Variants in GSK3B observed in about 807,000 individuals in gnomAD.
GSK3B encodes the protein glycogen synthase kinase-3 beta.
GSK3B carries 15 observed loss-of-function variants against 56.4 expected under a neutral mutation model. That is an observed-to-expected ratio of 0.27 (90% CI 0.18 to 0.41). GSK3B has a LOEUF of 0.41. Ranked by LOEUF, GSK3B falls within the 10% of genes least tolerant of loss-of-function variation. GSK3B has a pLI of 1.00. For synonymous variants in GSK3B, 181 were observed against 188.9 expected (o/e 0.96, Z 0.34); for missense variants, 300 against 513.4 (o/e 0.58, Z 4.02).
intron 2 of GSK3B, among the ~76,000 whole-genome samples, chr3:119,969,197 C>T (rs1239853240): frequency 6.6e-6 from 1 of 151,334 alleles, no homozygotes; most frequent in Admixed American, 6.6e-5. Context: ...GAGACTGAGC[C>T]AGGAGAATTG....
rs1308791000 is a variant in GSK3B at position 119,993,112 on chromosome 3, G to A, written c.282+8934C>T. Among the ~76,000 whole-genome samples, 3 of 149,372 alleles carry A rather than the reference G, an allele frequency of 2.0e-5. No homozygotes were observed. In the East Asian group the frequency reaches 5.8e-4, roughly 29 times the overall value. On this transcript the variant is annotated intron_variant, in intron 2 of 10. Transcript: ENST00000264235. ...TAAAGAAAAAGCAAAGTACAAAAGA[G>A]TGTCTCCAATATGCTACCTCCTGTG...
At chr3:119,828,584 T>G (rs1476564943) in intron 10 of GSK3B, among the ~76,000 whole-genome samples, 2 of 152,200 alleles carry the variant, frequency 1.3e-5, no homozygotes, top group African/African-American at 4.8e-5. Context: ...GTGAGTAGAA[T>G]AACCAATGTC....
Position 120,094,109 on chromosome 3 carries a change from G to T in GSK3B, c.-675C>A. On this transcript the variant is annotated 5_prime_UTR_variant, in exon 1 of 11. In the 5' UTR this introduces an upstream ATG that the reference lacks. Coordinates refer to ENST00000264235, the MANE Select transcript of GSK3B (RefSeq NM_001146156.2). Reference sequence around the variant, plus strand: ...CAGCTGCAGGCGGCGGCTGGATCCAGCGGCCATGGCGGTGGCGGAGGCAGC... The same window carrying T: ...CAGCTGCAGGCGGCGGCTGGATCCATCGGCCATGGCGGTGGCGGAGGCAGC... The T allele has an allele frequency of 4.4e-6, 1 of 228,972 alleles. No homozygotes were observed. The allele number at this position is 228,972 out of a possible 1,614,324, so 14.2% of individuals were successfully genotyped here. A position where few individuals can be genotyped will look rare whatever the true frequency, so the allele number is the denominator to read the frequency against.
At position 119,927,205 on chromosome 3, in the gene GSK3B, A is replaced by G. The variant is rs141900802; in HGVS notation, c.367-3722T>C. On this transcript the variant is annotated intron_variant, in intron 3 of 10. Coordinates refer to ENST00000264235, the MANE Select transcript of GSK3B (RefSeq NM_001146156.2). ...CACATATAAAAATCATGTACACTGT[A>G]AATATATACATTTTTATTTTTCAAT... is the stretch of plus-strand genomic sequence containing the variant. Among the ~76,000 whole-genome samples the G allele has an allele frequency of 1.5e-3, 229 of 152,354 alleles. 2 individuals are homozygous for G. The highest frequency in any genetic ancestry group is 5.2e-3 in the African/African-American group (215 of 41,590).
chr3:119,837,825 G>C (rs1037323042), intron 10 of GSK3B, among the ~76,000 whole-genome samples: 1 of 149,654 alleles, frequency 6.7e-6, no homozygotes, highest in African/African-American at 2.4e-5. Context: ...TAAATGGAGT[G>C]AATGAGATGA....
chr3:119,905,634 C>G (rs72548703), intron 7 of GSK3B, 121 bp downstream of exon 7: 2 of 675,830 alleles, frequency 3.0e-6, no homozygotes, highest in Admixed American at 2.1e-5. Context: ...GAACTTGCTA[C>G]GTGACCTTGG....
At chr3:120,005,031 A>G (rs1358028588) in intron 1 of GSK3B, among the ~76,000 whole-genome samples, 1 of 152,176 alleles carries the variant, frequency 6.6e-6, no homozygotes, top group African/African-American at 2.4e-5. Context: ...AACCTTGACA[A>G]AAGGTTAGAC....
intron 10 of GSK3B, among the ~76,000 whole-genome samples, chr3:119,841,333 C>T (rs1046143580): frequency 5.3e-5 from 8 of 152,172 alleles, no homozygotes; most frequent in African/African-American, 9.7e-5. Context: ...AATTAGTTCG[C>T]TATCTTGCAT....
At chr3:119,894,972 G>A (rs1276509802) in intron 7 of GSK3B, among the ~76,000 whole-genome samples, 2 of 152,066 alleles carry the variant, frequency 1.3e-5, no homozygotes. Flanking sequence ...GATATTATGG[G>A]TATACAATGT....
chr3:119,828,941 TAG>T (rs902462304), intron 10 of GSK3B, among the ~76,000 whole-genome samples: 7 of 152,236 alleles, frequency 4.6e-5, no homozygotes, highest in African/African-American at 1.7e-4. Context: ...TAGGTTCATA[TAG>T]CCCATGTAAT....
intron 10 of GSK3B, chr3:119,832,901 A>G (rs905933696): frequency 2.8e-6 from 2 of 723,108 alleles, no homozygotes; most frequent in African/African-American, 1.9e-5. Context: ...GTAAAATTCT[A>G]TATCTGGTAT....
At chr3:119,857,127 T>C (rs2056033841) in intron 9 of GSK3B, among the ~76,000 whole-genome samples, 1 of 152,208 alleles carries the variant, frequency 6.6e-6, no homozygotes. Context: ...AGTCATCTTT[T>C]GTGGGTGGAG....
intron 1 of GSK3B, among the ~76,000 whole-genome samples, chr3:120,065,710 A>G (rs1054025960): frequency 1.3e-5 from 2 of 152,192 alleles, no homozygotes; most frequent in Admixed American, 1.3e-4. Flanking sequence ...AAAAATGAAA[A>G]TGTCCATCAA....
At chr3:120,044,634 C>G (rs1455558313) in intron 1 of GSK3B, among the ~76,000 whole-genome samples, 1 of 152,146 alleles carries the variant, frequency 6.6e-6, no homozygotes, top group Non-Finnish European at 1.5e-5. Flanking sequence ...TGAATCATTG[C>G]CTCCATGGGT....
At chr3:120,018,944 T>G (rs964304331) in intron 1 of GSK3B, among the ~76,000 whole-genome samples, 1 of 152,164 alleles carries the variant, frequency 6.6e-6, no homozygotes, top group Non-Finnish European at 1.5e-5. Context: ...TTTGTAGGAA[T>G]AGAAGGAACA....
intron 2 of GSK3B, among the ~76,000 whole-genome samples, chr3:119,985,494 T>C (rs2057507270): frequency 1.3e-5 from 2 of 152,142 alleles, no homozygotes; most frequent in South Asian, 2.1e-4. Flanking sequence ...AGTCTCAGGA[T>C]ACAAAATCAA....
intron 10 of GSK3B, among the ~76,000 whole-genome samples, chr3:119,837,301 C>A (rs918636203): frequency 6.6e-6 from 1 of 150,554 alleles, no homozygotes; most frequent in African/African-American, 2.4e-5. Context: ...ACTATAGGCA[C>A]CCGCTACTAC....
intron 9 of GSK3B, among the ~76,000 whole-genome samples, chr3:119,857,474 A>G (rs2056038433): frequency 6.6e-6 from 1 of 152,180 alleles, no homozygotes; most frequent in African/African-American, 2.4e-5. Context: ...TTGCTCATCC[A>G]TAAGAAGTAA....
At chr3:119,883,594 A>T (rs1171704632) in intron 7 of GSK3B, among the ~76,000 whole-genome samples, 3 of 152,156 alleles carry the variant, frequency 2.0e-5, no homozygotes, top group African/African-American at 7.2e-5. Flanking sequence ...AACCACAAAC[A>T]AAAGTTTATT....
Sources: allele counts gnomAD v4.1 joint callset (sites outside exome capture counted in the v4.1 genomes callset), GRCh38; gene constraint gnomAD v4.1.1; transcripts MANE v1.5; gene names NCBI Gene and HGNC (gene_info 2026-07-23, HGNC 2026-07-21).